The following FOXP2 variants were observed in gnomAD, a reference collection of about 807,000 sequenced individuals.
The protein encoded by FOXP2 is forkhead box P2.
FOXP2 carries 12 observed loss-of-function variants against 115.8 expected under a neutral mutation model. The ratio of observed to expected loss-of-function variants is 0.10; its 90% confidence interval spans 0.07 to 0.17. FOXP2 has a LOEUF of 0.17. FOXP2 is among the 10% of genes least tolerant of loss of function. The pLI is 1.00. For synonymous variants in FOXP2, 328 were observed against 297.7 expected (o/e 1.10, Z -1.05); for missense variants, 629 against 843.5 (o/e 0.75, Z 3.15).
intron 2 of FOXP2, among the ~76,000 whole-genome samples, chr7:114,434,343 GCCTAACT>G (rs1794244072): frequency 6.7e-6 from 1 of 149,336 alleles, no homozygotes. Flanking sequence ...TTAACATAAT[GCCTAACT>G]CCTAAATTTA....
intron 1 of FOXP2, among the ~76,000 whole-genome samples, chr7:114,111,260 T>C (rs1187993683): frequency 6.6e-6 from 1 of 152,278 alleles, no homozygotes; most frequent in African/African-American, 2.4e-5. Context: ...TGCTTGTACA[T>C]TGGAGCTTAT....
At chr7:114,090,760 A>AAG (rs1799525444) in intron 1 of FOXP2, among the ~76,000 whole-genome samples, 1 of 151,766 alleles carries the variant, frequency 6.6e-6, no homozygotes, top group South Asian at 2.1e-4. Context: ...CTTGGACTAA[A>AAG]GTCCTATCAA....
At chr7:114,642,812 A>ATATATATATTTTT (rs1308357594) in intron 7 of FOXP2, among the ~76,000 whole-genome samples, 189 bp downstream of exon 7, 1 of 72,438 alleles carries the variant, frequency 1.4e-5, no homozygotes, top group African/African-American at 7.1e-5. Flanking sequence ...ATATATATAT[A>ATATATATATTTTT]TTTTTTTTTT....
chr7:114,300,834 C>G (rs1181116392), intron 2 of FOXP2, among the ~76,000 whole-genome samples: 1 of 151,804 alleles, frequency 6.6e-6, no homozygotes, highest in Non-Finnish European at 1.5e-5. Flanking sequence ...TAAAAACTGT[C>G]TTTCATAAAA....
At chr7:114,625,361 T>G (rs1167671744) in intron 3 of FOXP2, among the ~76,000 whole-genome samples, 1 of 151,826 alleles carries the variant, frequency 6.6e-6, no homozygotes, top group East Asian at 1.9e-4. Context: ...TTGTGATCCC[T>G]TATTAGAATA....
intron 1 of FOXP2, among the ~76,000 whole-genome samples, chr7:114,109,186 A>G (rs1791202878): frequency 6.6e-6 from 1 of 150,564 alleles, no homozygotes; most frequent in Non-Finnish European, 1.5e-5. Flanking sequence ...GTTTTGTTGT[A>G]TAATATGTGT....
chr7:114,311,515 A>G (rs966215623), intron 2 of FOXP2, among the ~76,000 whole-genome samples: 2 of 152,112 alleles, frequency 1.3e-5, no homozygotes, highest in Non-Finnish European at 2.9e-5. Context: ...TTACATTATT[A>G]AATTGTCCCA....
intron 2 of FOXP2, among the ~76,000 whole-genome samples, chr7:114,529,762 C>A (rs1799048464): frequency 6.6e-6 from 1 of 151,552 alleles, no homozygotes; most frequent in Non-Finnish European, 1.5e-5. Context: ...TAGGTTATGC[C>A]AATTAGATGA....
At chr7:114,317,060 A>G (rs1202644332) in intron 2 of FOXP2, among the ~76,000 whole-genome samples, 2 of 152,140 alleles carry the variant, frequency 1.3e-5, no homozygotes, top group Admixed American at 6.5e-5. Context: ...TTTCCTGGGG[A>G]AGTGAAAGTA....
chr7:114,127,363 TTATA>T (rs900353137), intron 1 of FOXP2, among the ~76,000 whole-genome samples: 1 of 152,048 alleles, frequency 6.6e-6, no homozygotes, highest in Non-Finnish European at 1.5e-5. Context: ...GGGGAAAAGA[TTATA>T]TAAGGGCACA....
At chr7:114,155,644 C>T (rs548631192) in intron 1 of FOXP2, among the ~76,000 whole-genome samples, 12 of 152,050 alleles carry the variant, frequency 7.9e-5, no homozygotes, top group South Asian at 6.2e-4. Context: ...TCATGTGGCA[C>T]GAAAGTATTT....
At chr7:114,342,873 CA>C (rs1257277627) in intron 2 of FOXP2, among the ~76,000 whole-genome samples, 4 of 151,446 alleles carry the variant, frequency 2.6e-5, no homozygotes, top group Non-Finnish European at 4.4e-5. Flanking sequence ...CTTGTCATAT[CA>C]AACCAATTTA....
At chr7:114,232,903 A>G (rs1794920967) in intron 1 of FOXP2, among the ~76,000 whole-genome samples, 1 of 152,244 alleles carries the variant, frequency 6.6e-6, no homozygotes, top group African/African-American at 2.4e-5. Flanking sequence ...GCTAAATGAA[A>G]TAAATAAATC....
At chr7:114,199,973 T>C (rs1295699391) in intron 1 of FOXP2, among the ~76,000 whole-genome samples, 1 of 152,192 alleles carries the variant, frequency 6.6e-6, no homozygotes. Flanking sequence ...TAAAACACTA[T>C]AGAAGGTATT....
At chr7:114,649,630 G>C (rs1806122877) in intron 8 of FOXP2, among the ~76,000 whole-genome samples, 1 of 151,966 alleles carries the variant, frequency 6.6e-6, no homozygotes, top group Non-Finnish European at 1.5e-5. Flanking sequence ...TATTTATTTA[G>C]TCTTATTACA....
chr7:114,280,785 G>T (rs1359071526), intron 1 of FOXP2, among the ~76,000 whole-genome samples: 2 of 152,228 alleles, frequency 1.3e-5, no homozygotes, highest in East Asian at 1.9e-4. Context: ...TCAGACAAGT[G>T]TGTCACTTTC....
At chr7:114,169,946 C>T (rs1793094786) in intron 1 of FOXP2, among the ~76,000 whole-genome samples, 1 of 152,152 alleles carries the variant, frequency 6.6e-6, no homozygotes, top group African/African-American at 2.4e-5. Context: ...TGCTTCCTTG[C>T]CTTCTGCCAT....
rs377248059 is a variant in FOXP2 at position 114,217,984 on chromosome 7, G to A, written c.-102+54896G>A. Among the ~76,000 whole-genome samples the A allele has an allele frequency of 4.6e-5, 7 of 152,256 alleles. No homozygotes were observed. In the East Asian group the frequency reaches 1.2e-3, roughly 25 times the overall value. On this transcript the variant is annotated intron_variant, in intron 1 of 17. Transcript: ENST00000634411. ...TCTCAGCTTAGGCATGGATGGCCAT[G>A]ATAGTAGGTTTTATTACAGCTTTTA... is the stretch of plus-strand genomic sequence containing the variant.
At chr7:114,336,397 A>G (rs1021934935) in intron 2 of FOXP2, among the ~76,000 whole-genome samples, 1 of 151,598 alleles carries the variant, frequency 6.6e-6, no homozygotes, top group Non-Finnish European at 1.5e-5. Flanking sequence ...ACCTTTAATC[A>G]CAGTGGAGAT....
Sources: allele counts gnomAD v4.1 joint callset (sites outside exome capture counted in the v4.1 genomes callset), GRCh38; gene constraint gnomAD v4.1.1; transcripts MANE v1.5; gene names NCBI Gene and HGNC (gene_info 2026-07-23, HGNC 2026-07-21).